Variants in LINGO2 observed in about 807,000 individuals in gnomAD.
LINGO2 encodes leucine rich repeat and Ig domain containing 2.
A neutral mutation model predicts 30.6 loss-of-function variants in LINGO2; 14 were observed. The ratio of observed to expected loss-of-function variants is 0.46; its 90% CI spans 0.30 to 0.72. The LOEUF (loss-of-function observed/expected upper bound fraction) is 0.72, where lower values mean the gene tolerates loss of function less well. LINGO2 is among the 30% of genes least tolerant of loss of function. LINGO2 has a pLI of 0.07. For missense variants in LINGO2, 729 were observed against 751.7 expected, an observed-to-expected ratio of 0.97 and a Z score of 0.35; for synonymous variants, 317 against 288.5, an observed-to-expected ratio of 1.10 and a Z score of -1.00.
At chr9:28,242,866 C>A (rs1821850001) in intron 4 of LINGO2, among the ~76,000 whole-genome samples, 1 of 152,152 alleles carries the variant, frequency 6.6e-6, no homozygotes, top group South Asian at 2.1e-4. Context: ...TCATATCCAG[C>A]CAAACTAAGC....
At chr9:28,485,881 T>C (rs1826146908) in intron 1 of LINGO2, among the ~76,000 whole-genome samples, 1 of 152,010 alleles carries the variant, frequency 6.6e-6, no homozygotes, top group Non-Finnish European at 1.5e-5. Flanking sequence ...TCAGAAGATA[T>C]AAGTGGAAAA....
chr9:28,489,358 C>T (rs1255172294), intron 1 of LINGO2, among the ~76,000 whole-genome samples: 1 of 152,046 alleles, frequency 6.6e-6, no homozygotes, highest in East Asian at 1.9e-4. Flanking sequence ...TTAGTAGATA[C>T]AGGGTTTCGC....
chr9:28,249,558 C>G (rs981813836), intron 4 of LINGO2, among the ~76,000 whole-genome samples: 17 of 152,086 alleles, frequency 1.1e-4, no homozygotes, highest in African/African-American at 4.1e-4. Flanking sequence ...AGAATTTTTT[C>G]TGGACTGAAG....
At chr9:28,658,431 CAT>C (rs1312037071) in intron 1 of LINGO2, among the ~76,000 whole-genome samples, 2 of 151,928 alleles carry the variant, frequency 1.3e-5, no homozygotes, top group African/African-American at 4.8e-5. Flanking sequence ...ATGTTTGCTG[CAT>C]ATATCTTTAT....
the LINGO2 span, among the ~76,000 whole-genome samples, chr9:28,719,084 C>A: frequency 6.6e-6 from 1 of 151,936 alleles, no homozygotes; most frequent in Non-Finnish European, 1.5e-5. Flanking sequence ...TCTCATCCTT[C>A]CCACTTTTCA....
Position 28,648,286 on chromosome 9 carries a change from G to C in LINGO2, c.-365+21914C>G, listed in dbSNP as rs191832898. On this transcript the variant is annotated intron_variant, in intron 1 of 5. Transcript: ENST00000379992. ...TAGTTGCTACAGACATTTTACGAGA[G>C]AGCATAGACTATCCCAGAATAATTA... 8.5e-5 allele frequency among the ~76,000 whole-genome samples: 13 copies of C among 152,204 alleles called. 1 individual carries two copies. The highest frequency in any genetic ancestry group is 3.3e-4 in the Admixed American group (5 of 15,262).
At chr9:29,192,127 T>C in the LINGO2 span, among the ~76,000 whole-genome samples, 39,481 of 151,988 alleles carry the variant, frequency 0.26, 5,406 homozygotes, top group East Asian at 0.45. Context: ...TTATAAATTG[T>C]ACTGGCAGCA....
At chr9:28,320,593 A>G (rs888219166) in intron 3 of LINGO2, among the ~76,000 whole-genome samples, 29 of 152,232 alleles carry the variant, frequency 1.9e-4, no homozygotes, top group African/African-American at 6.7e-4. Context: ...TGTTCTAGGG[A>G]TGGGGTCAGG....
the LINGO2 span, among the ~76,000 whole-genome samples, chr9:28,893,871 A>C: frequency 3.9e-5 from 6 of 152,044 alleles, no homozygotes; most frequent in African/African-American, 1.4e-4. Flanking sequence ...ATTTAGCATT[A>C]GGTATATCTC....
the LINGO2 span, among the ~76,000 whole-genome samples, chr9:28,733,427 T>C: frequency 6.6e-6 from 1 of 152,168 alleles, no homozygotes; most frequent in Non-Finnish European, 1.5e-5. Context: ...AAAAATATTG[T>C]GGAAAATTGA....
At chr9:28,202,399 T>A (rs1277721361) in intron 4 of LINGO2, among the ~76,000 whole-genome samples, 1 of 152,078 alleles carries the variant, frequency 6.6e-6, no homozygotes, top group Admixed American at 6.6e-5. Context: ...AGCTATCCAC[T>A]CTTTGAAAAC....
At chr9:28,628,508 C>G (rs1293099122) in intron 1 of LINGO2, among the ~76,000 whole-genome samples, 1 of 152,068 alleles carries the variant, frequency 6.6e-6, no homozygotes, top group Non-Finnish European at 1.5e-5. Context: ...GTACTTTATA[C>G]TTTGCAAACT....
At chr9:28,600,469 A>G (rs1177006785) in intron 1 of LINGO2, among the ~76,000 whole-genome samples, 1 of 152,128 alleles carries the variant, frequency 6.6e-6, no homozygotes, top group African/African-American at 2.4e-5. Context: ...TATAATACCA[A>G]AAATGTCATA....
At chr9:29,161,936 T>C in the LINGO2 span, among the ~76,000 whole-genome samples, 1 of 152,204 alleles carries the variant, frequency 6.6e-6, no homozygotes, top group Admixed American at 6.5e-5. Context: ...TTTTTTTTTT[T>C]TGAGACAGAG....
the LINGO2 span, among the ~76,000 whole-genome samples, chr9:28,817,572 A>AG: frequency 6.6e-6 from 1 of 152,192 alleles, no homozygotes; most frequent in Non-Finnish European, 1.5e-5. Context: ...TTTCAATAGC[A>AG]GAGATCTGCT....
intron 1 of LINGO2, among the ~76,000 whole-genome samples, chr9:28,513,682 C>A (rs1322035648): frequency 1.3e-5 from 2 of 152,096 alleles, no homozygotes; most frequent in Non-Finnish European, 2.9e-5. Context: ...AGATATTGTT[C>A]TATAAAATTA....
rs117431611 is a variant in LINGO2, at chr9:28,014,671, A to T, written c.-86-2266T>A. Among the ~76,000 whole-genome samples, 682 of 152,294 alleles carry T rather than the reference A, an allele frequency of 4.5e-3. 12 individuals are homozygous for T. The highest frequency in any genetic ancestry group is 4.6e-3 in the Non-Finnish European group (312 of 67,998). ...TTCATCTACTAGTTTTTATGTAGAC[A>T]AGTTTTTATTTCCCTTGGACATATT... On this transcript the variant is annotated intron_variant, in intron 4 of 5. Transcript: ENST00000379992.
At chr9:27,991,706 G>C (rs1391189182) in intron 5 of LINGO2, among the ~76,000 whole-genome samples, 2 of 151,998 alleles carry the variant, frequency 1.3e-5, no homozygotes, top group Admixed American at 6.6e-5. Context: ...GCCACTAGCT[G>C]TTTCTCCCAT....
chr9:28,026,658 A>G (rs1482141882), intron 4 of LINGO2, among the ~76,000 whole-genome samples: 1 of 152,222 alleles, frequency 6.6e-6, no homozygotes. Flanking sequence ...TTTTCAAGTC[A>G]GTCAATACAT....
Sources: gnomAD v4.1 joint callset for allele counts (sites outside exome capture counted in the v4.1 genomes callset) on GRCh38, gnomAD v4.1.1 for gene constraint, MANE v1.5 for transcripts, NCBI Gene and HGNC (gene_info 2026-07-23, HGNC 2026-07-21) for gene names.